CDS1: variants seen among roughly 807,000 people sequenced by gnomAD.
CDS1 encodes phosphatidate cytidylyltransferase 1.
In CDS1, 41 loss-of-function variants were observed where a neutral mutation model predicts 62.1. The observed-to-expected ratio is 0.66, with a 90% confidence interval of 0.51 to 0.86. The LOEUF is 0.86. Ranked by LOEUF, CDS1 falls within the 40% of genes least tolerant of loss-of-function variation. The pLI is 0.00. For missense variants in CDS1, 470 were observed against 550.1 expected, an observed-to-expected ratio of 0.85 and a Z score of 1.46; for synonymous variants, 185 against 192.6, an observed-to-expected ratio of 0.96 and a Z score of 0.32.
rs1482684236 is a variant in CDS1 at position 84,648,679 on chromosome 4, A to G, written c.1379A>G (p.Lys460Arg). ...AAAGGAATCCTACAACCCACCTTGA[A>G]GGTATAACTGGATCCAGAGAGGGAA... Reference protein sequence around the residue: ...IEKGILQPTLKV With the variant: ...IEKGILQPTLRV Residue 460 changes from lysine to arginine, a missense_variant, in exon 13 of 13, where the codon AAG (lysine) becomes AGG (arginine). Around this residue, in one of 5 missense-constraint regions of CDS1, gnomAD observed 68 missense variants for 81.5 expected, o/e 0.83. Coordinates refer to ENST00000295887, the MANE Select transcript of CDS1 (RefSeq NM_001263.4). 1 of 1,612,688 alleles carries G rather than the reference A, an allele frequency of 6.2e-7. No individual in the cohort carries two copies. The highest frequency in any genetic ancestry group is 1.1e-5 in the South Asian group (1 of 90,680).
chr4:84,631,545 A>G (rs1004665385), intron 5 of CDS1, among the ~76,000 whole-genome samples: 2 of 152,198 alleles, frequency 1.3e-5, no homozygotes, highest in Non-Finnish European at 2.9e-5. Context: ...CCATGCCCAC[A>G]TATTAGCAGG....
chr4:84,594,113 G>A (rs927056914), intron 1 of CDS1, among the ~76,000 whole-genome samples: 3 of 152,042 alleles, frequency 2.0e-5, no homozygotes, highest in Non-Finnish European at 4.4e-5. Flanking sequence ...GTAGGGGAGT[G>A]AAAACCCTTC....
At position 84,632,782 on chromosome 4, in the gene CDS1, GCAAC is replaced by G. The variant is rs1724063313; in HGVS notation, c.639+909_639+912del. Among the ~76,000 whole-genome samples the G allele has an allele frequency of 2.0e-5, 3 of 152,248 alleles. No homozygotes were observed. The South Asian group carries it at 6.2e-4, about 32-fold the overall frequency. On this transcript the variant is annotated intron_variant, in intron 6 of 12. Transcript: ENST00000295887. ...GCAGATAAAAATAGAATAAAATAGA[GCAAC>G]CAATATAATATGGTTGCTTAAATGG...
At chr4:84,622,656 A>AT (rs1168337659) in intron 5 of CDS1, among the ~76,000 whole-genome samples, 1 of 152,182 alleles carries the variant, frequency 6.6e-6, no homozygotes, top group African/African-American at 2.4e-5. Context: ...CATTTCTATC[A>AT]TTAATATCTG....
At chr4:84,644,174 A>G (rs756760005) in intron 11 of CDS1, among the ~76,000 whole-genome samples, 16 of 152,162 alleles carry the variant, frequency 1.1e-4, no homozygotes, top group East Asian at 5.8e-4. Flanking sequence ...GGAAGCTACT[A>G]TGTAAGGTGC....
At chr4:84,585,087 C>T (rs960352605) in intron 1 of CDS1, among the ~76,000 whole-genome samples, 1 of 152,164 alleles carries the variant, frequency 6.6e-6, no homozygotes, top group Non-Finnish European at 1.5e-5. Context: ...AAAATACCTT[C>T]GGAATTAAGT....
intron 1 of CDS1, among the ~76,000 whole-genome samples, chr4:84,587,973 CA>C: frequency 6.6e-6 from 1 of 152,184 alleles, no homozygotes. Flanking sequence ...CAGGTTGCAT[CA>C]ATGCAGATTT....
chr4:84,600,759 TTC>T (rs1449090766), intron 1 of CDS1, among the ~76,000 whole-genome samples: 1 of 152,256 alleles, frequency 6.6e-6, no homozygotes, highest in African/African-American at 2.4e-5. Context: ...TGTTTGGCTC[TTC>T]TATGTTCTTT....
At chr4:84,619,017 A>G (rs1377131504) in intron 4 of CDS1, among the ~76,000 whole-genome samples, 1 of 150,880 alleles carries the variant, frequency 6.6e-6, no homozygotes, top group African/African-American at 2.4e-5. Context: ...TACACACATT[A>G]TACATACACA....
At chr4:84,632,639 GA>G in intron 6 of CDS1, among the ~76,000 whole-genome samples, 1 of 152,070 alleles carries the variant, frequency 6.6e-6, no homozygotes, top group East Asian at 1.9e-4. Flanking sequence ...ATTTTATATA[GA>G]AACAAGACAA....
intron 1 of CDS1, among the ~76,000 whole-genome samples, chr4:84,602,614 A>G (rs1392103984): frequency 6.6e-6 from 1 of 152,076 alleles, no homozygotes; most frequent in Non-Finnish European, 1.5e-5. Flanking sequence ...AACCACTTCC[A>G]TTAGTCACCA....
chr4:84,601,167 T>A (rs1328428763), intron 1 of CDS1, among the ~76,000 whole-genome samples: 2 of 26,210 alleles, frequency 7.6e-5, no homozygotes, highest in East Asian at 1.6e-3. Flanking sequence ...AGTAAGACCC[T>A]GTCTCAAAAA....
At chr4:84,592,311 A>G (rs1722617035) in intron 1 of CDS1, among the ~76,000 whole-genome samples, 1 of 151,932 alleles carries the variant, frequency 6.6e-6, no homozygotes, top group Admixed American at 6.6e-5. Context: ...AGCTGGGATT[A>G]CAGGCACGCA....
Position 84,609,461 on chromosome 4 carries a change from C to T in CDS1, c.278C>T (p.Thr93Ile). Residue 93 changes from threonine (T) to isoleucine (I), a missense_variant, in exon 3 of 13, where the codon ACT (threonine) becomes ATT (isoleucine). Physicochemically the swap from Thr to Ile is moderately conservative, Grantham distance 89. Around this residue, in one of 5 missense-constraint regions of CDS1, gnomAD observed 150 missense variants for 142.0 expected, o/e 1.06. Coordinates refer to ENST00000295887, the MANE Select transcript of CDS1 (RefSeq NM_001263.4). Reference protein sequence around the residue: ...WKNWWIRGILTLTMISLFFLI... With the variant: ...WKNWWIRGILILTMISLFFLI... ...AACTGGTGGATACGTGGAATTCTCA[C>T]TCTAACTATGATCTCGTTGTTTTTC... is the stretch of plus-strand genomic sequence containing the variant. The T allele has an allele frequency of 6.2e-7, 1 of 1,610,478 alleles. No homozygotes were observed. Among genetic ancestry groups the T allele is most frequent in the Non-Finnish European group, 8.5e-7 (1 of 1,176,872 alleles).
chr4:84,584,225 G>C (rs1722345874), intron 1 of CDS1, among the ~76,000 whole-genome samples: 1 of 152,146 alleles, frequency 6.6e-6, no homozygotes, highest in African/African-American at 2.4e-5. Context: ...AAGTAGATGC[G>C]ATATTACTAT....
At chr4:84,635,762 CT>C (rs1161584979) in intron 8 of CDS1, among the ~76,000 whole-genome samples, 22 of 130,308 alleles carry the variant, frequency 1.7e-4, no homozygotes, top group Non-Finnish European at 2.5e-4. Flanking sequence ...CTTTTCTTTC[CT>C]TTTTTTTTTT....
chr4:84,597,270 C>T (rs1032316035), intron 1 of CDS1, among the ~76,000 whole-genome samples: 1 of 152,106 alleles, frequency 6.6e-6, no homozygotes, highest in Non-Finnish European at 1.5e-5. Flanking sequence ...AATAAGGAGG[C>T]TTTATCAATT....
chr4:84,607,321 C>T (rs1363068933), intron 2 of CDS1, among the ~76,000 whole-genome samples: 1 of 151,574 alleles, frequency 6.6e-6, no homozygotes, highest in African/African-American at 2.4e-5. Flanking sequence ...TCTTGCTCTG[C>T]CACCCAGGCT....
chr4:84,598,018 C>T (rs564182124), intron 1 of CDS1, among the ~76,000 whole-genome samples: 15 of 150,656 alleles, frequency 1.0e-4, no homozygotes, highest in African/African-American at 2.4e-4. Flanking sequence ...CCCAGCTACT[C>T]GGGAGGCTGA....
Sources: allele counts gnomAD v4.1 joint callset (sites outside exome capture counted in the v4.1 genomes callset), GRCh38; gene constraint gnomAD v4.1.1; regional missense constraint gnomAD v4.1.1; transcripts MANE v1.5; gene names NCBI Gene and HGNC (gene_info 2026-07-23, HGNC 2026-07-21).